The following OR56A3 variants were observed in gnomAD, a reference collection of about 807,000 sequenced individuals.
OR56A3 encodes olfactory receptor family 56 subfamily A member 3.
OR56A3 carries 23 observed loss-of-function variants against 17.5 expected under a neutral mutation model. The observed-to-expected ratio is 1.32, with a 90% CI of 0.95 to 1.87. The LOEUF (loss-of-function observed/expected upper bound fraction) is 1.87, where lower values mean the gene tolerates loss of function less well. OR56A3 is among the 40% of genes most tolerant of loss of function. The pLI is 0.00. For missense variants in OR56A3, 366 were observed against 380.1 expected, an observed-to-expected ratio of 0.96 and a Z score of 0.31; for synonymous variants, 175 against 150.6, an observed-to-expected ratio of 1.16 and a Z score of -1.19.
chr11:5,944,296 T>G (rs1229630835), intron 1 of OR56A3, among the ~76,000 whole-genome samples: 1 of 152,024 alleles, frequency 6.6e-6, no homozygotes, highest in Non-Finnish European at 1.5e-5. Flanking sequence ...TCCTTAAGAG[T>G]CAAAACCAGG....
At chr11:5,966,199 C>T in the OR56A3 span, among the ~76,000 whole-genome samples, 7 of 137,638 alleles carry the variant, frequency 5.1e-5, no homozygotes, top group Admixed American at 1.5e-4. Flanking sequence ...GGTGAAACCC[C>T]GTCTCTACAA....
chr11:5,958,449 T>C, the OR56A3 span, among the ~76,000 whole-genome samples: 1 of 152,164 alleles, frequency 6.6e-6, no homozygotes, highest in African/African-American at 2.4e-5. Flanking sequence ...TATCCTCTAC[T>C]TTTCTGTTTT....
chr11:6,009,670 T>C, the OR56A3 span, among the ~76,000 whole-genome samples: 10 of 152,214 alleles, frequency 6.6e-5, no homozygotes, highest in Non-Finnish European at 1.0e-4. Context: ...ATGTACTATT[T>C]ATCCGGCTCT....
At chr11:5,987,007 A>G in the OR56A3 span, 1 of 1,378,958 alleles carries the variant, frequency 7.3e-7, no homozygotes, top group Non-Finnish European at 9.9e-7. Context: ...AAGTGACTTC[A>G]ACTGCAAACG....
chr11:5,953,588 G>A (rs1847919068), downstream of OR56A3, among the ~76,000 whole-genome samples: 1 of 152,104 alleles, frequency 6.6e-6, no homozygotes, highest in South Asian at 2.1e-4. Context: ...AGATCTGGCT[G>A]CATACTGTAG....
chr11:5,959,487 C>T, the OR56A3 span, among the ~76,000 whole-genome samples: 1 of 151,978 alleles, frequency 6.6e-6, no homozygotes, highest in Non-Finnish European at 1.5e-5. Flanking sequence ...AGATATTTTG[C>T]CTGTTTTTTA....
the OR56A3 span, among the ~76,000 whole-genome samples, chr11:6,015,936 G>T: frequency 6.6e-6 from 1 of 152,138 alleles, no homozygotes; most frequent in African/African-American, 2.4e-5. Context: ...ATTGTATTTT[G>T]CCATGTGAGA....
At chr11:6,004,615 G>T in the OR56A3 span, among the ~76,000 whole-genome samples, 1 of 152,058 alleles carries the variant, frequency 6.6e-6, no homozygotes, top group African/African-American at 2.4e-5. Context: ...CCATTGTAGG[G>T]CCTTAAAACA....
At chr11:5,962,571 G>A in the OR56A3 span, among the ~76,000 whole-genome samples, 28 of 136,704 alleles carry the variant, frequency 2.0e-4, no homozygotes, top group East Asian at 4.1e-3. Flanking sequence ...TCTCTCTGTC[G>A]CCCAGGCCAG....
the OR56A3 span, among the ~76,000 whole-genome samples, chr11:6,017,444 A>T: frequency 6.6e-6 from 1 of 152,042 alleles, no homozygotes; most frequent in Non-Finnish European, 1.5e-5. Context: ...CATCTAAGGG[A>T]GCATCTGTCA....
chr11:5,953,651 T>C (rs1847919365), downstream of OR56A3, among the ~76,000 whole-genome samples: 2 of 152,204 alleles, frequency 1.3e-5, no homozygotes, highest in African/African-American at 4.8e-5. Context: ...CATTGTTCTT[T>C]CAGTGAGAGC....
the OR56A3 span, chr11:5,995,130 G>T: frequency 1.7e-6 from 1 of 574,756 alleles, no homozygotes; most frequent in South Asian, 1.9e-5. Flanking sequence ...GGTAGTTGGT[G>T]GAGAAGGTGG....
chr11:6,003,227 A>G, the OR56A3 span: 1 of 894,504 alleles, frequency 1.1e-6, no homozygotes, highest in Non-Finnish European at 1.7e-6. Flanking sequence ...CATCCTTTTA[A>G]AAAATACTAA....
the OR56A3 span, among the ~76,000 whole-genome samples, chr11:5,995,527 G>A: frequency 6.6e-6 from 1 of 152,130 alleles, no homozygotes; most frequent in Non-Finnish European, 1.5e-5. Context: ...CGATTTCTGG[G>A]TCAGCTCAAA....
At chr11:5,971,014 G>T in the OR56A3 span, among the ~76,000 whole-genome samples, 1 of 152,296 alleles carries the variant, frequency 6.6e-6, no homozygotes, top group Middle Eastern at 3.4e-3. Context: ...ATTGAGGCAA[G>T]CCACGAGGAG....
At chr11:5,992,107 C>G in the OR56A3 span, among the ~76,000 whole-genome samples, 1 of 152,228 alleles carries the variant, frequency 6.6e-6, no homozygotes, top group African/African-American at 2.4e-5. Context: ...TCACATTGCT[C>G]TGTGAGCTCA....
At chr11:5,972,043 C>A in the OR56A3 span, among the ~76,000 whole-genome samples, 1 of 152,170 alleles carries the variant, frequency 6.6e-6, no homozygotes, top group Non-Finnish European at 1.5e-5. Context: ...GAAGCTTTTT[C>A]TCTCATTAAC....
the OR56A3 span, among the ~76,000 whole-genome samples, chr11:6,018,989 C>T: frequency 1.3e-5 from 2 of 151,798 alleles, no homozygotes; most frequent in Non-Finnish European, 2.9e-5. Flanking sequence ...AATAGAAAAC[C>T]TGAAAATACC....
chr11:5,983,244 T>C, the OR56A3 span, among the ~76,000 whole-genome samples: 1 of 152,202 alleles, frequency 6.6e-6, no homozygotes, highest in African/African-American at 2.4e-5. Context: ...TAAATTTTTC[T>C]CTGTTTTCTC....
Sources: gnomAD v4.1 joint callset for allele counts (sites outside exome capture counted in the v4.1 genomes callset) on GRCh38, gnomAD v4.1.1 for gene constraint, MANE v1.5 for transcripts, NCBI Gene and HGNC (gene_info 2026-07-23, HGNC 2026-07-21) for gene names.